Variants in TBC1D15 observed in about 807,000 individuals in gnomAD.
TBC1D15 encodes the protein GAP for RAB7.
Under a neutral mutation model 95.4 loss-of-function variants are expected in TBC1D15, and 39 were observed. The ratio of observed to expected loss-of-function variants is 0.41; its 90% CI spans 0.32 to 0.53. TBC1D15 has a LOEUF of 0.53. TBC1D15 is among the 20% of genes least tolerant of loss of function. The pLI is 0.29. For missense variants in TBC1D15, 733 were observed against 794.3 expected (o/e 0.92, Z 0.93); for synonymous variants, 258 against 261.3 (o/e 0.99, Z 0.12).
chr12:71,876,355 G>A (rs1296453185), intron 3 of TBC1D15, among the ~76,000 whole-genome samples: 1 of 152,066 alleles, frequency 6.6e-6, no homozygotes, highest in Non-Finnish European at 1.5e-5. Flanking sequence ...GGAAGGTGGG[G>A]ATTTAGCTCT....
chr12:71,909,157 C>A (rs1231844369), intron 11 of TBC1D15, among the ~76,000 whole-genome samples: 1 of 152,242 alleles, frequency 6.6e-6, no homozygotes, highest in Non-Finnish European at 1.5e-5. Flanking sequence ...ATGTCACATT[C>A]TTTCTATATA....
At chr12:71,844,256 T>TG (rs1885768578) in intron 1 of TBC1D15, among the ~76,000 whole-genome samples, 1 of 152,234 alleles carries the variant, frequency 6.6e-6, no homozygotes, top group Non-Finnish European at 1.5e-5. Flanking sequence ...AATTTCTAGT[T>TG]GCGTTTGTCT....
At chr12:71,915,994 C>T (rs978681225) in intron 12 of TBC1D15, among the ~76,000 whole-genome samples, 2 of 152,178 alleles carry the variant, frequency 1.3e-5, no homozygotes, top group African/African-American at 2.4e-5. Context: ...CTGAACCTAA[C>T]GTCTGTAAAT....
rs556975004 is a variant in TBC1D15, at chr12:71,873,761, T to C, written c.204+758T>C. Among the ~76,000 whole-genome samples, 3 of 152,362 alleles carry C rather than the reference T, an allele frequency of 2.0e-5. No individual in the cohort carries two copies. In the South Asian group the frequency reaches 6.2e-4, roughly 32 times the overall value. On this transcript the variant is annotated intron_variant, in intron 3 of 16. Coordinates refer to ENST00000485960, the MANE Select transcript of TBC1D15 (RefSeq NM_001146213.3). ...TTTTAATTTTAGTAAACCTAGTGGA[T>C]ATGAAGTTCTATTTGTTTCCTAGGG...
At chr12:71,851,842 A>G (rs557679892) in intron 1 of TBC1D15, among the ~76,000 whole-genome samples, 28 of 152,118 alleles carry the variant, frequency 1.8e-4, no homozygotes, top group African/African-American at 6.0e-4. Context: ...AAGGGCTGGT[A>G]TTGTGTGCCT....
chr12:71,899,205 T>C (rs987380518), intron 10 of TBC1D15, among the ~76,000 whole-genome samples: 5 of 152,316 alleles, frequency 3.3e-5, no homozygotes, highest in African/African-American at 1.2e-4. Flanking sequence ...TTCTCAACCT[T>C]TCATGTCCTT....
At chr12:71,911,845 A>G (rs973410735) in intron 11 of TBC1D15, among the ~76,000 whole-genome samples, 1 of 152,154 alleles carries the variant, frequency 6.6e-6, no homozygotes, top group African/African-American at 2.4e-5. Flanking sequence ...TAATTTGACA[A>G]CTTGCTTCAG....
At chr12:71,921,555 C>T (rs2139123991) in intron 16 of TBC1D15, 101 bp downstream of exon 16, 1 of 612,826 alleles carries the variant, frequency 1.6e-6, no homozygotes, top group Non-Finnish European at 2.6e-6. Context: ...CTTTAGTAAG[C>T]TGAGGGCAGG....
intron 13 of TBC1D15, among the ~76,000 whole-genome samples, chr12:71,918,062 G>C (rs11178984): frequency 0.055 from 8,420 of 152,202 alleles, 335 homozygotes; most frequent in East Asian, 0.16. Context: ...GGCTGAGGTG[G>C]GAGGATTACT....
chr12:71,844,513 G>A (rs978750124), intron 1 of TBC1D15, among the ~76,000 whole-genome samples: 4 of 151,966 alleles, frequency 2.6e-5, no homozygotes, highest in Non-Finnish European at 5.9e-5. Context: ...TTTATATGTC[G>A]CTCTAAGTAA....
chr12:71,859,064 T>A (rs977124422), intron 1 of TBC1D15, among the ~76,000 whole-genome samples: 1 of 152,090 alleles, frequency 6.6e-6, no homozygotes, highest in Non-Finnish European at 1.5e-5. Context: ...GATTTTGATT[T>A]GTATTTTCTT....
chr12:71,887,418 T>C (rs1030139293), intron 5 of TBC1D15, among the ~76,000 whole-genome samples: 2 of 152,150 alleles, frequency 1.3e-5, no homozygotes, highest in Non-Finnish European at 2.9e-5. Flanking sequence ...TTAAATAAAA[T>C]CCAAACTTCT....
At chr12:71,857,828 C>T (rs755957750) in intron 1 of TBC1D15, among the ~76,000 whole-genome samples, 7 of 152,174 alleles carry the variant, frequency 4.6e-5, no homozygotes, top group Non-Finnish European at 1.0e-4. Flanking sequence ...CATTAACCAA[C>T]CTTTGTCTAT....
At chr12:71,876,483 C>G (rs1421632611) in intron 3 of TBC1D15, among the ~76,000 whole-genome samples, 2 of 152,144 alleles carry the variant, frequency 1.3e-5, no homozygotes, top group African/African-American at 4.8e-5. Context: ...ATCCCAGAGC[C>G]TTCTCACAAG....
intron 7 of TBC1D15, among the ~76,000 whole-genome samples, chr12:71,895,363 G>C (rs1337851871): frequency 6.6e-6 from 1 of 151,992 alleles, no homozygotes; most frequent in East Asian, 1.9e-4. Context: ...TTCTAGGCTT[G>C]TACATAGTTA....
chr12:71,852,503 G>C (rs146103497), intron 1 of TBC1D15, among the ~76,000 whole-genome samples: 1 of 152,192 alleles, frequency 6.6e-6, no homozygotes, highest in African/African-American at 2.4e-5. Flanking sequence ...TGGCCAGGAT[G>C]CAAATTTTCT....
chr12:71,903,611 A>G (rs894299117), intron 10 of TBC1D15, among the ~76,000 whole-genome samples: 15 of 152,226 alleles, frequency 9.9e-5, no homozygotes, highest in African/African-American at 3.4e-4. Context: ...AAGACATGAA[A>G]TCAGCCTAGA....
At chr12:71,873,979 T>C (rs1893228110) in intron 3 of TBC1D15, among the ~76,000 whole-genome samples, 1 of 152,238 alleles carries the variant, frequency 6.6e-6, no homozygotes, top group African/African-American at 2.4e-5. Context: ...GTAGATGGTG[T>C]CCTCTGTGTG....
rs115904704 is a variant in TBC1D15, at chr12:71,846,583, A to G, written c.30+6772A>G. Among the ~76,000 whole-genome samples, 1,056 of 152,238 alleles carry G rather than the reference A, an allele frequency of 6.9e-3. 15 individuals carry two copies. Among genetic ancestry groups the G allele is most frequent in the African/African-American group, 0.024 (986 of 41,542 alleles). On this transcript the variant is annotated intron_variant, in intron 1 of 16. Coordinates refer to ENST00000485960, the MANE Select transcript of TBC1D15 (RefSeq NM_001146213.3). ...ATGCTCTTGATATATTTTGCTTCCT[A>G]TGAACACCTGATTCCCAGCTAAGTG... is the stretch of plus-strand genomic sequence containing the variant.
Sources: gnomAD v4.1 joint callset for allele counts (sites outside exome capture counted in the v4.1 genomes callset) on GRCh38, gnomAD v4.1.1 for gene constraint, MANE v1.5 for transcripts, NCBI Gene and HGNC (gene_info 2026-07-23, HGNC 2026-07-21) for gene names.